The following ARNT2 variants were observed in gnomAD, a reference collection of about 807,000 sequenced individuals.
ARNT2 encodes the protein ARNT protein 2.
Under a neutral mutation model 91.7 loss-of-function variants are expected in ARNT2, and 36 were observed. The observed-to-expected ratio is 0.39, with a 90% CI of 0.30 to 0.52. The LOEUF (loss-of-function observed/expected upper bound fraction) is 0.52, where lower values mean the gene tolerates loss of function less well. ARNT2 is among the 20% of genes least tolerant of loss of function. ARNT2 has a pLI of 0.72. For synonymous variants in ARNT2, 365 were observed against 347.1 expected (o/e 1.05, Z -0.57); for missense variants, 775 against 939.3 (o/e 0.83, Z 2.29).
At chr15:80,426,451 A>G (rs1486284724) in intron 1 of ARNT2, among the ~76,000 whole-genome samples, 1 of 152,214 alleles carries the variant, frequency 6.6e-6, no homozygotes, top group Non-Finnish European at 1.5e-5. Context: ...TATAGCAGCC[A>G]TCACAGCGGC....
At chr15:80,530,223 T>C (rs1316627195) in intron 8 of ARNT2, among the ~76,000 whole-genome samples, 1 of 152,158 alleles carries the variant, frequency 6.6e-6, no homozygotes, top group Non-Finnish European at 1.5e-5. Context: ...AAGAGGAATG[T>C]TTAGCTTTGC....
At chr15:80,575,175 C>T in intron 14 of ARNT2, 65 bp downstream of exon 14, 1 of 1,590,048 alleles carries the variant, frequency 6.3e-7, no homozygotes. Context: ...AGGCCATCTA[C>T]AGACAGCTAC....
intron 14 of ARNT2, 92 bp downstream of exon 14, chr15:80,575,202 C>A (rs914450471): frequency 4.0e-5 from 60 of 1,510,148 alleles, no homozygotes; most frequent in Non-Finnish European, 7.2e-6. Context: ...TAAGAGGGGG[C>A]CACGGAAGGT....
At chr15:80,592,713 C>CCAT (rs772721323) in intron 18 of ARNT2, among the ~76,000 whole-genome samples, 1 of 152,246 alleles carries the variant, frequency 6.6e-6, no homozygotes, top group Non-Finnish European at 1.5e-5. Flanking sequence ...CTGACTGCAG[C>CCAT]CATCTCCTCC....
At position 80,441,403 on chromosome 15, in the gene ARNT2, T is replaced by C. The variant is rs1369420086; in HGVS notation, c.32-9477T>C. On this transcript the variant is annotated intron_variant, in intron 1 of 18. Transcript: ENST00000303329. The stretch of plus-strand genomic sequence containing the variant: ...GGTAGGGCTGTGATATTTGATGTGC[T>C]TTCTGTGAAGAGAATTGTTCTAAGA... The C allele has an allele frequency of 3.0e-6, 3 of 984,224 alleles. No individual in the cohort carries two copies. The African/African-American group carries it at 5.2e-5, about 17-fold the overall frequency. 61.0% of individuals were successfully genotyped at this position (984,224 alleles called of 1,614,324 possible).
intron 1 of ARNT2, among the ~76,000 whole-genome samples, chr15:80,449,157 T>A (rs1343488182): frequency 2.6e-5 from 4 of 152,174 alleles, no homozygotes; most frequent in Non-Finnish European, 4.4e-5. Flanking sequence ...TGTCAATATG[T>A]TTTTAGTGGA....
chr15:80,519,280 G>A (rs1439496177), intron 8 of ARNT2, among the ~76,000 whole-genome samples: 2 of 152,096 alleles, frequency 1.3e-5, no homozygotes, highest in African/African-American at 2.4e-5. Flanking sequence ...TGAGGGCTTC[G>A]ATATTTAAAG....
chr15:80,520,016 A>G (rs891337306), intron 8 of ARNT2, among the ~76,000 whole-genome samples: 4 of 138,440 alleles, frequency 2.9e-5, no homozygotes, highest in Non-Finnish European at 6.2e-5. Context: ...TTTTTTTTTT[A>G]AATCTTTGTA....
chr15:80,494,087 A>G (rs909546239), intron 5 of ARNT2, among the ~76,000 whole-genome samples: 1 of 152,108 alleles, frequency 6.6e-6, no homozygotes, highest in African/African-American at 2.4e-5. Context: ...AACCCAATAA[A>G]CTTCTTTTCT....
chr15:80,417,452 T>C (rs979284917), intron 1 of ARNT2, among the ~76,000 whole-genome samples: 1 of 152,220 alleles, frequency 6.6e-6, no homozygotes, highest in Admixed American at 6.5e-5. Flanking sequence ...GAGGTTATAA[T>C]TTGTCTGCAG....
chr15:80,459,590 GT>G (rs1375851806), intron 3 of ARNT2, among the ~76,000 whole-genome samples: 1 of 152,152 alleles, frequency 6.6e-6, no homozygotes, highest in Admixed American at 6.5e-5. Flanking sequence ...AGTGACGTTT[GT>G]TTGACATTGA....
At chr15:80,569,976 C>T (rs941755069) in intron 12 of ARNT2, among the ~76,000 whole-genome samples, 4 of 152,240 alleles carry the variant, frequency 2.6e-5, no homozygotes, top group Admixed American at 2.6e-4. Context: ...ACTGCTTCAA[C>T]CCCACAAAAG....
chr15:80,464,264 C>T (rs1896613895), intron 3 of ARNT2, among the ~76,000 whole-genome samples: 1 of 151,850 alleles, frequency 6.6e-6, no homozygotes, highest in South Asian at 2.1e-4. Context: ...TCAGTGTGAC[C>T]CTTGGAGCCT....
At chr15:80,577,985 G>A (rs192399505) in intron 15 of ARNT2, among the ~76,000 whole-genome samples, 1 of 152,308 alleles carries the variant, frequency 6.6e-6, no homozygotes, top group East Asian at 1.9e-4. Context: ...ATCACCGCAG[G>A]TCACGCTGCT....
chr15:80,475,103 A>G lies in ARNT2; in HGVS notation c.502A>G (p.Thr168Ala). The change falls in exon 5 of 19, where the codon ACC becomes GCC. Residue 168 changes from threonine (T) to alanine (A), a missense_variant. Physicochemically the swap from Thr to Ala is moderately conservative, Grantham distance 58. Transcript: ENST00000303329. ...GRVIYVSDSV[T>A]PVLNQPQSEW... Reference sequence around the variant, plus strand: ...AGTGATTTATGTGTCTGACTCCGTCACCCCTGTTCTGAACCAGCCCCAGTC... The same window carrying G: ...AGTGATTTATGTGTCTGACTCCGTCGCCCCTGTTCTGAACCAGCCCCAGTC... The G allele has an allele frequency of 1.2e-6, 2 of 1,614,166 alleles. No individual in the cohort carries two copies. The highest frequency in any genetic ancestry group is 1.7e-6 in the Non-Finnish European group (2 of 1,180,032).
chr15:80,536,772 G>T (rs1897831869), intron 8 of ARNT2, among the ~76,000 whole-genome samples: 1 of 152,190 alleles, frequency 6.6e-6, no homozygotes, highest in African/African-American at 2.4e-5. Flanking sequence ...CCTGAGTGAA[G>T]CATCCTAGGT....
At chr15:80,531,371 C>T (rs1897737610) in intron 8 of ARNT2, among the ~76,000 whole-genome samples, 1 of 152,094 alleles carries the variant, frequency 6.6e-6, no homozygotes, top group Non-Finnish European at 1.5e-5. Context: ...TTACTTAGAC[C>T]TGGTATGAGG....
intron 5 of ARNT2, 70 bp from the exon 6 acceptor site, chr15:80,508,086 C>T (rs1025386145): frequency 3.4e-6 from 5 of 1,466,858 alleles, no homozygotes; most frequent in Non-Finnish European, 4.8e-6. Context: ...AGAAAGCACT[C>T]CCCGAACTCC....
intron 5 of ARNT2, among the ~76,000 whole-genome samples, chr15:80,477,910 C>T (rs1359897296): frequency 1.3e-5 from 2 of 152,106 alleles, no homozygotes; most frequent in Non-Finnish European, 2.9e-5. Flanking sequence ...TTTCTCAGTG[C>T]TGGTGATCAA....
Sources: gnomAD v4.1 joint callset for allele counts (sites outside exome capture counted in the v4.1 genomes callset) on GRCh38, gnomAD v4.1.1 for gene constraint, MANE v1.5 for transcripts, NCBI Gene and HGNC (gene_info 2026-07-23, HGNC 2026-07-21) for gene names.